Variants in KIF14 observed in about 807,000 individuals in gnomAD.
KIF14 encodes kinesin family member 14, also known as kinesin-like protein KIF14.
Under a neutral mutation model 176.2 loss-of-function variants are expected in KIF14, and 98 were observed. That is an observed-to-expected ratio of 0.56 (90% CI 0.47 to 0.66). The LOEUF (loss-of-function observed/expected upper bound fraction) is 0.66, where lower values mean the gene tolerates loss of function less well. Among genes scored for constraint, KIF14 ranks in the 30% least tolerant of loss-of-function variants. The pLI is 0.00. For missense variants in KIF14, 1,751 were observed against 1,920.4 expected, an observed-to-expected ratio of 0.91 and a Z score of 1.65; for synonymous variants, 566 against 632.2, an observed-to-expected ratio of 0.90 and a Z score of 1.57.
intron 14 of KIF14, among the ~76,000 whole-genome samples, chr1:200,596,625 A>G (rs7537187): frequency 0.58 from 82,594 of 143,226 alleles, 24,119 homozygotes; most frequent in East Asian, 0.69. Flanking sequence ...AGTATAGCAG[A>G]GTCATCTTGG....
At chr1:200,598,517 T>C (rs1416949563) in intron 13 of KIF14, 96 bp from the exon 14 acceptor site, 6 of 751,716 alleles carry the variant, frequency 8.0e-6, no homozygotes, top group Non-Finnish European at 1.2e-5. Flanking sequence ...TTAAAACAAT[T>C]CTATATGAAG....
intron 22 of KIF14, among the ~76,000 whole-genome samples, chr1:200,570,444 G>A (rs747028211): frequency 1.3e-4 from 20 of 152,156 alleles, no homozygotes; most frequent in Non-Finnish European, 2.6e-4. Context: ...TAACCCTCAA[G>A]GATAAGTAAA....
intron 19 of KIF14, among the ~76,000 whole-genome samples, chr1:200,581,760 C>CTT (rs1558064089): frequency 1.3e-4 from 13 of 102,432 alleles, no homozygotes; most frequent in East Asian, 5.2e-4. Context: ...ATTTCACTTT[C>CTT]CTTTTTTTTT....
rs754050672 is a variant in KIF14 at position 200,560,704 on chromosome 1, C to T, written c.4230+18G>A. ...TTCCCTCAGATGAAGTCTGTCTGAA[C>T]TAACATTGCTAAATTACCTGGACAC... On this transcript the variant is annotated intron_variant, in intron 26 of 29. Coordinates refer to ENST00000367350, the MANE Select transcript of KIF14 (RefSeq NM_014875.3). 2 of 1,613,340 alleles carry T rather than the reference C, an allele frequency of 1.2e-6. No individual in the cohort carries two copies. Among genetic ancestry groups the T allele is most frequent in the Admixed American group, 3.3e-5 (2 of 60,002 alleles).
intron 28 of KIF14, among the ~76,000 whole-genome samples, chr1:200,555,177 T>C (rs114099095): frequency 0.023 from 3,577 of 152,252 alleles, 50 homozygotes; most frequent in Non-Finnish European, 0.035. Context: ...TAAATTTCTA[T>C]ACAATCCTTT....
chr1:200,585,070 C>T (rs539617638), intron 19 of KIF14, among the ~76,000 whole-genome samples: 2 of 152,006 alleles, frequency 1.3e-5, no homozygotes, highest in African/African-American at 4.8e-5. Flanking sequence ...ATGATGGTTA[C>T]CAGGAAATAC....
rs1189178968 is a variant in KIF14, at chr1:200,608,874, C to T, written c.1510G>A (p.Asp504Asn). The change falls in exon 5 of 30, where the codon GAC (aspartate) becomes AAC (asparagine). Residue 504 changes from aspartate to asparagine, a missense_variant. Physicochemically the swap from Asp to Asn is conservative, Grantham distance 23. Transcript: ENST00000367350. ...TTTTCATCTTTACAAACCAGAAGGTCGTGAATTTTTTCATTATATACTTCA... is the reference window on the plus strand; with the variant it reads ...TTTTCATCTTTACAAACCAGAAGGTTGTGAATTTTTTCATTATATACTTCA... ...FFEVYNEKIH[D>N]LLVCKDENGQ... The T allele has an allele frequency of 6.8e-6, 11 of 1,610,660 alleles. No individual in the cohort carries two copies. The highest frequency in any genetic ancestry group is 5.3e-5 in the African/African-American group (4 of 74,822).
intron 26 of KIF14, among the ~76,000 whole-genome samples, chr1:200,559,757 C>CT (rs377593729): frequency 0.13 from 19,333 of 144,248 alleles, 1,444 homozygotes; most frequent in African/African-American, 0.17. Context: ...CAGTAACATT[C>CT]TTTTTTTTTT....
Position 200,580,381 on chromosome 1 carries a change from T to C in KIF14, c.3338A>G (p.His1113Arg), listed in dbSNP as rs767386297. The C allele has an allele frequency of 6.8e-7, 1 of 1,464,950 alleles. No homozygotes were observed. Among genetic ancestry groups the C allele is most frequent in the South Asian group, 1.6e-5 (1 of 64,454 alleles). The allele number at this position is 1,464,950 out of a possible 1,614,324, so 90.7% of individuals were successfully genotyped here. A position where few individuals can be genotyped will look rare whatever the true frequency, so the allele number is the denominator to read the frequency against. ...KLKTYYVFGR[H>R]DISDKSSSDT... The stretch of plus-strand genomic sequence containing the variant: ...AGAACTACTTTTATCTGATATATCA[T>C]GTCTGAAAGAAAAATAAACAAAAAA... The change falls in exon 21 of 30, where the codon CAT becomes CGT. Residue 1113 changes from histidine to arginine, a missense_variant and splice_region_variant. Physicochemically the swap from His to Arg is conservative, Grantham distance 29. Transcript: ENST00000367350.
rs1377518293 is a variant in KIF14, at chr1:200,603,847, G to A, written c.1855C>T (p.Arg619Ter). ...RCSTAHTNGD[R>*]LKEGVSINKS... ...AAAAGCATTCCATTTACCTTTAGTC[G>A]ATCTCCATTAGTGTGAGCCGTAGAG... Residue 619 changes from arginine to a stop codon, truncating the protein, a stop_gained, in exon 9 of 30, where the codon CGA becomes TGA. Coordinates refer to ENST00000367350, the MANE Select transcript of KIF14 (RefSeq NM_014875.3). LOFTEE classifies it high-confidence loss of function. 3.2e-6 allele frequency: 5 copies of A among 1,583,660 alleles called. No individual in the cohort carries two copies. The highest frequency in any genetic ancestry group is 1.3e-5 in the African/African-American group (1 of 74,252).
intron 8 of KIF14, among the ~76,000 whole-genome samples, chr1:200,604,914 A>G (rs1032511292): frequency 5.3e-5 from 8 of 152,106 alleles, no homozygotes; most frequent in African/African-American, 1.9e-4. Context: ...ATATATTGAT[A>G]TGATCATATC....
Position 200,580,356 on chromosome 1 carries a change from A to G in KIF14, c.3363T>C (p.Ser1121=). Residue 1121 remains serine (S), a synonymous_variant, in exon 21 of 30, where the codon TCT becomes TCC. Coordinates refer to ENST00000367350, the MANE Select transcript of KIF14 (RefSeq NM_014875.3). ...GGTTACGAACCCGAATAGAAGTGTC[A>G]GAACTACTTTTATCTGATATATCAT... ...GRHDISDKSS[S]DTSIRVRNLK... The G allele has an allele frequency of 1.1e-5, 16 of 1,518,740 alleles. No individual in the cohort carries two copies. The highest frequency in any genetic ancestry group is 1.4e-5 in the Non-Finnish European group (16 of 1,127,858). 94.1% of individuals were successfully genotyped at this position (1,518,740 alleles called of 1,614,324 possible). A position where few individuals can be genotyped will look rare whatever the true frequency, so the allele number is the denominator to read the frequency against.
intron 23 of KIF14, among the ~76,000 whole-genome samples, chr1:200,567,260 G>A (rs565138731): frequency 2.9e-4 from 43 of 149,256 alleles, no homozygotes; most frequent in Admixed American, 2.1e-3. Flanking sequence ...GGCTAAAACC[G>A]GCCGGGCACG....
rs371446188 is a variant in KIF14 at position 200,615,575 on chromosome 1, T to C, written c.1147A>G (p.Met383Val). The change falls in exon 3 of 30, where the codon ATG (methionine) becomes GTG (valine). Residue 383 changes from methionine to valine, a missense_variant. Met to Val is a conservative substitution (Grantham distance 21, BLOSUM62 1). Transcript: ENST00000367350. ...KIEKASQVVF[M>V]SGKEITVEHP... ...TCCACAGTTATTTCTTTCCCACTCATGAAGACTACCTGGGATGCTTTTTCA... is the reference window on the plus strand; with the variant it reads ...TCCACAGTTATTTCTTTCCCACTCACGAAGACTACCTGGGATGCTTTTTCA... 23 of 1,613,646 alleles carry C rather than the reference T, an allele frequency of 1.4e-5. No homozygotes were observed. The African/African-American group carries it at 2.5e-4, about 18-fold the overall frequency.
chr1:200,618,909 C>T, intron 1 of KIF14, 71 bp from the exon 2 acceptor site: 1 of 535,010 alleles, frequency 1.9e-6, no homozygotes, highest in Non-Finnish European at 3.2e-6. Flanking sequence ...GAGAACATCC[C>T]ATTGTGTAAG....
Position 200,600,337 on chromosome 1 carries a change from AGTACTGACT to A in KIF14, c.2300+10_2300+18del. On this transcript the variant is annotated intron_variant, in intron 12 of 29. Transcript: ENST00000367350. ...CCAGAGCAACACACTTAACATTTAG[AGTACTGACT>A]GTACTCTACCTTTGCATTTCTGCCA... is the stretch of plus-strand genomic sequence containing the variant. 4 of 1,609,790 alleles carry A rather than the reference AGTACTGACT, an allele frequency of 2.5e-6. No individual in the cohort carries two copies. Among genetic ancestry groups the A allele is most frequent in the Non-Finnish European group, 3.4e-6 (4 of 1,176,220 alleles).
intron 22 of KIF14, among the ~76,000 whole-genome samples, chr1:200,573,663 T>C (rs1235830832): frequency 6.6e-6 from 1 of 152,174 alleles, no homozygotes; most frequent in Non-Finnish European, 1.5e-5. Flanking sequence ...GCTTGCTATG[T>C]ATTAGCAATT....
In KIF14 at chr1:200,555,387, G is replaced by T; in HGVS notation, c.4421C>A (p.Ser1474Ter). 2 of 1,570,162 alleles carry T rather than the reference G, an allele frequency of 1.3e-6. No homozygotes were observed. The highest frequency in any genetic ancestry group is 1.2e-5 in the South Asian group (1 of 85,144). The change falls in exon 28 of 30, where the codon TCG (serine) becomes TAG (stop). Residue 1474 changes from serine (S) to a stop codon, truncating the protein, a stop_gained. Coordinates refer to ENST00000367350, the MANE Select transcript of KIF14 (RefSeq NM_014875.3). LOFTEE classifies it high-confidence loss of function. ...IRSLENIFAE[S>*]KIKSFRRQVQ... ...ATTTAAAGCTTCTCTTACAATTTTC[G>T]ATTCAGCAAAGATGTTTTCAAGAGA...
intron 23 of KIF14, among the ~76,000 whole-genome samples, chr1:200,567,172 C>CAAAAA (rs374186998): frequency 7.0e-6 from 1 of 142,154 alleles, no homozygotes. Flanking sequence ...ACTCTGTCCT[C>CAAAAA]AAAAAAAAAA....
Sources: gnomAD v4.1 joint callset for allele counts (sites outside exome capture counted in the v4.1 genomes callset) on GRCh38, gnomAD v4.1.1 for gene constraint, MANE v1.5 for transcripts, NCBI Gene and HGNC (gene_info 2026-07-23, HGNC 2026-07-21) for gene names.